CDH12: variants seen among roughly 807,000 people sequenced by gnomAD.
The protein encoded by CDH12 is cadherin 12.
In CDH12, 41 loss-of-function variants were observed where a neutral mutation model predicts 74.1. The observed-to-expected ratio is 0.55, with a 90% CI of 0.43 to 0.72. The LOEUF (loss-of-function observed/expected upper bound fraction) is 0.72, where lower values mean the gene tolerates loss of function less well. Among genes scored for constraint, CDH12 ranks in the 30% least tolerant of loss-of-function variants. The pLI is 0.00. For synonymous variants in CDH12, 399 were observed against 355.0 expected (o/e 1.12, Z -1.39); for missense variants, 945 against 977.2 (o/e 0.97, Z 0.44).
At chr5:22,300,722 T>A (rs1188167747) in intron 3 of CDH12, among the ~76,000 whole-genome samples, 1 of 152,204 alleles carries the variant, frequency 6.6e-6, no homozygotes, top group East Asian at 1.9e-4. Flanking sequence ...GGATTTAGTG[T>A]GTGTAATGTT....
At chr5:22,252,056 G>C (rs984494671) in intron 3 of CDH12, among the ~76,000 whole-genome samples, 8 of 151,942 alleles carry the variant, frequency 5.3e-5, no homozygotes, top group Non-Finnish European at 1.0e-4. Context: ...CATTGAATTG[G>C]TGATATCTAT....
chr5:22,303,889 C>T (rs1184548288), intron 3 of CDH12, among the ~76,000 whole-genome samples: 1 of 152,010 alleles, frequency 6.6e-6, no homozygotes, highest in Admixed American at 6.5e-5. Context: ...ATCATTCCAC[C>T]GCACCATGGT....
intron 4 of CDH12, among the ~76,000 whole-genome samples, chr5:22,202,097 C>T (rs563356423): frequency 2.2e-4 from 34 of 151,800 alleles, no homozygotes; most frequent in African/African-American, 8.2e-4. Flanking sequence ...GCACTGATAT[C>T]TCCCTCCCTC....
At chr5:22,848,512 A>G (rs1249534649) in intron 1 of CDH12, among the ~76,000 whole-genome samples, 1 of 152,154 alleles carries the variant, frequency 6.6e-6, no homozygotes, top group African/African-American at 2.4e-5. Flanking sequence ...ATTATTGTTC[A>G]TACACGATCA....
chr5:22,376,419 T>C (rs1474764254), intron 3 of CDH12, among the ~76,000 whole-genome samples: 1 of 152,170 alleles, frequency 6.6e-6, no homozygotes, highest in African/African-American at 2.4e-5. Context: ...TTCAACAATG[T>C]AATGTATATT....
chr5:22,014,258 A>T (rs953307043), intron 5 of CDH12, among the ~76,000 whole-genome samples: 7 of 152,112 alleles, frequency 4.6e-5, no homozygotes, highest in African/African-American at 1.7e-4. Flanking sequence ...ATAACAACAA[A>T]AACAAATAGA....
At chr5:22,626,078 C>T (rs1311241805) in intron 1 of CDH12, among the ~76,000 whole-genome samples, 1 of 152,032 alleles carries the variant, frequency 6.6e-6, no homozygotes, top group Non-Finnish European at 1.5e-5. Context: ...CACAGGCAGC[C>T]AGCCATGGTG....
intron 3 of CDH12, among the ~76,000 whole-genome samples, chr5:22,297,311 G>A (rs142320202): frequency 1.3e-5 from 2 of 152,208 alleles, no homozygotes; most frequent in African/African-American, 2.4e-5. Context: ...ATAAGCCACC[G>A]CGCCCGGCTT....
chr5:22,466,776 CTTTTTTTTTTTTTTTTTT>C (rs70959733), intron 2 of CDH12, among the ~76,000 whole-genome samples: 2 of 50,968 alleles, frequency 3.9e-5, no homozygotes, highest in African/African-American at 1.7e-4. Context: ...CCTCAGGAAT[CTTTTTTTTTTTTTTTTTT>C]TTTTTTTTTT....
chr5:22,566,029 C>G (rs1739264485), intron 1 of CDH12, among the ~76,000 whole-genome samples: 1 of 152,000 alleles, frequency 6.6e-6, no homozygotes, highest in Non-Finnish European at 1.5e-5. Flanking sequence ...GTATAATTTT[C>G]CCTATTTGTG....
chr5:21,940,201 T>A (rs1755268245), intron 6 of CDH12, among the ~76,000 whole-genome samples: 1 of 152,072 alleles, frequency 6.6e-6, no homozygotes, highest in Admixed American at 6.6e-5. Flanking sequence ...CCCTCCATCC[T>A]GGGTGACAAA....
chr5:22,171,872 G>A (rs1749050024), intron 4 of CDH12, among the ~76,000 whole-genome samples: 1 of 151,878 alleles, frequency 6.6e-6, no homozygotes, highest in Non-Finnish European at 1.5e-5. Flanking sequence ...AAGACAAATT[G>A]TGCAAGGTTA....
chr5:21,877,237 T>C (rs900775317), intron 6 of CDH12, among the ~76,000 whole-genome samples: 1 of 151,884 alleles, frequency 6.6e-6, no homozygotes. Flanking sequence ...GAGGTGAGTG[T>C]TCTTTTTCAT....
chr5:22,498,835 A>G (rs1308560819), intron 2 of CDH12, among the ~76,000 whole-genome samples: 9 of 150,524 alleles, frequency 6.0e-5, no homozygotes, highest in Non-Finnish European at 1.2e-4. Flanking sequence ...ACTAAAAATA[A>G]TTTATATAAT....
chr5:22,458,129 C>CT (rs1239452169), intron 2 of CDH12, among the ~76,000 whole-genome samples: 1 of 152,146 alleles, frequency 6.6e-6, no homozygotes, highest in Non-Finnish European at 1.5e-5. Flanking sequence ...ATCCACCCGC[C>CT]TTGCCCTCCC....
intron 4 of CDH12, among the ~76,000 whole-genome samples, chr5:22,116,371 C>T (rs1266239618): frequency 3.9e-5 from 6 of 152,076 alleles, no homozygotes; most frequent in Non-Finnish European, 7.4e-5. Flanking sequence ...AGAATCTGGC[C>T]GAGACGGGCG....
At chr5:22,613,949 C>T (rs2199636) in intron 1 of CDH12, among the ~76,000 whole-genome samples, 9,297 of 151,874 alleles carry the variant, frequency 0.061, 497 homozygotes, top group East Asian at 0.2. Flanking sequence ...AATATATTTC[C>T]TGCTTAAAAG....
intron 3 of CDH12, among the ~76,000 whole-genome samples, chr5:22,252,255 C>CA (rs34694627): frequency 2.0e-5 from 3 of 150,518 alleles, no homozygotes; most frequent in African/African-American, 7.3e-5. Context: ...ATCCCAACTT[C>CA]AAAAAAAAGT....
At chr5:22,422,978 A>G (rs1361624393) in intron 2 of CDH12, among the ~76,000 whole-genome samples, 1 of 152,168 alleles carries the variant, frequency 6.6e-6, no homozygotes, top group Non-Finnish European at 1.5e-5. Flanking sequence ...GAGTATATTA[A>G]ATCATTGAAT....
Sources: allele counts gnomAD v4.1 joint callset (sites outside exome capture counted in the v4.1 genomes callset), GRCh38; gene constraint gnomAD v4.1.1; transcripts MANE v1.5; gene names NCBI Gene and HGNC (gene_info 2026-07-23, HGNC 2026-07-21).